The following AUTS2 variants were observed in gnomAD, a reference collection of about 807,000 sequenced individuals.
The protein encoded by AUTS2 is activator of transcription and developmental regulator AUTS2, also known as autism susceptibility gene 2 protein.
In AUTS2, 17 loss-of-function variants were observed where a neutral mutation model predicts 112.4. The observed-to-expected ratio is 0.15, with a 90% confidence interval of 0.10 to 0.23. The LOEUF is 0.23. Among genes scored for constraint, AUTS2 ranks in the 10% least tolerant of loss-of-function variants. The probability of loss-of-function intolerance (pLI) is 1.00; values close to 1 mark genes in which losing one functional copy is unlikely to be tolerated. For synonymous variants in AUTS2, 751 were observed against 702.7 expected (o/e 1.07, Z -1.09); for missense variants, 1,510 against 1,701.6 (o/e 0.89, Z 1.98).
intron 5 of AUTS2, among the ~76,000 whole-genome samples, chr7:70,465,137 C>T (rs1386807860): frequency 6.6e-6 from 1 of 152,186 alleles, no homozygotes; most frequent in Non-Finnish European, 1.5e-5. Flanking sequence ...TCAGTTTGGT[C>T]CTGGAACTTT....
At chr7:70,399,758 AAAT>A (rs200961750) in intron 4 of AUTS2, among the ~76,000 whole-genome samples, 3,889 of 132,976 alleles carry the variant, frequency 0.029, 66 homozygotes, top group Middle Eastern at 0.089. Context: ...TAAAAAAATA[AAAT>A]AAAATAAAAT....
intron 4 of AUTS2, among the ~76,000 whole-genome samples, chr7:70,152,684 G>A (rs778840835): frequency 1.7e-4 from 26 of 152,048 alleles, no homozygotes; most frequent in Non-Finnish European, 3.5e-4. Context: ...GTTGAAAAAC[G>A]AGCAAAAGAT....
intron 1 of AUTS2, among the ~76,000 whole-genome samples, chr7:69,845,214 G>A (rs974514194): frequency 2.0e-5 from 3 of 152,166 alleles, no homozygotes; most frequent in African/African-American, 4.8e-5. Context: ...AGGAGCAAAA[G>A]AATCTTCCTG....
intron 2 of AUTS2, among the ~76,000 whole-genome samples, chr7:69,955,660 T>C (rs530596951): frequency 6.6e-6 from 1 of 152,226 alleles, no homozygotes; most frequent in African/African-American, 2.4e-5. Context: ...ACCCTCCCCT[T>C]AACAACTTTC....
chr7:70,708,657 A>T (rs1390161721), intron 6 of AUTS2, among the ~76,000 whole-genome samples: 1 of 152,000 alleles, frequency 6.6e-6, no homozygotes, highest in Non-Finnish European at 1.5e-5. Context: ...CCGAAGGGTC[A>T]GCAGACCAAA....
At chr7:69,804,956 C>T (rs1790236332) in intron 1 of AUTS2, among the ~76,000 whole-genome samples, 1 of 152,206 alleles carries the variant, frequency 6.6e-6, no homozygotes, top group African/African-American at 2.4e-5. Flanking sequence ...AGAATCACTA[C>T]ACAGACAGAC....
intron 4 of AUTS2, among the ~76,000 whole-genome samples, chr7:70,341,227 C>G (rs925697804): frequency 4.6e-5 from 7 of 152,172 alleles, no homozygotes; most frequent in African/African-American, 1.7e-4. Context: ...ATGAACTCTT[C>G]TTACCGGAGT....
intron 5 of AUTS2, among the ~76,000 whole-genome samples, chr7:70,556,517 G>A (rs563335842): frequency 4.6e-5 from 7 of 152,256 alleles, no homozygotes; most frequent in African/African-American, 1.7e-4. Flanking sequence ...TCAAGTCTTC[G>A]AGGCTTTAGT....
intron 5 of AUTS2, among the ~76,000 whole-genome samples, chr7:70,608,140 G>C (rs1017994590): frequency 1.1e-4 from 16 of 152,078 alleles, no homozygotes; most frequent in Non-Finnish European, 1.3e-4. Context: ...GTCTCATTCT[G>C]TTGCCCAGGA....
At chr7:70,237,175 C>A (rs762272824) in intron 4 of AUTS2, among the ~76,000 whole-genome samples, 6 of 152,096 alleles carry the variant, frequency 3.9e-5, no homozygotes, top group Non-Finnish European at 8.8e-5. Context: ...TACAGTGTCT[C>A]CATGTAATAG....
chr7:70,102,770 T>C (rs1804567733), intron 2 of AUTS2, among the ~76,000 whole-genome samples: 1 of 152,184 alleles, frequency 6.6e-6, no homozygotes, highest in Admixed American at 6.5e-5. Context: ...ATTAATTTAA[T>C]CCAAATTTCT....
At chr7:70,706,911 G>A (rs1809771204) in intron 6 of AUTS2, among the ~76,000 whole-genome samples, 1 of 152,178 alleles carries the variant, frequency 6.6e-6, no homozygotes, top group Non-Finnish European at 1.5e-5. Context: ...CCTTGAACAT[G>A]GGCTTTGGAT....
chr7:70,682,092 G>A (rs1205486105), intron 5 of AUTS2, among the ~76,000 whole-genome samples: 1 of 152,208 alleles, frequency 6.6e-6, no homozygotes, highest in East Asian at 1.9e-4. Context: ...TGAGTGTGTG[G>A]AGGAGAGTGA....
At chr7:69,694,838 T>G (rs1158408030) in intron 1 of AUTS2, among the ~76,000 whole-genome samples, 1 of 152,186 alleles carries the variant, frequency 6.6e-6, no homozygotes, top group Non-Finnish European at 1.5e-5. Flanking sequence ...CAGTGAGAGA[T>G]AAAATTACTT....
chr7:70,688,631 C>T (rs1459421483), intron 5 of AUTS2, among the ~76,000 whole-genome samples: 1 of 152,092 alleles, frequency 6.6e-6, no homozygotes, highest in South Asian at 2.1e-4. Context: ...AGTCAGAGAT[C>T]AGCATGAGCA....
At chr7:70,260,394 T>C (rs1787104420) in intron 4 of AUTS2, among the ~76,000 whole-genome samples, 1 of 151,610 alleles carries the variant, frequency 6.6e-6, no homozygotes, top group South Asian at 2.1e-4. Context: ...CTAGATAGTT[T>C]ATAAAGAATG....
chr7:69,950,831 A>G (rs1411934844), intron 2 of AUTS2, among the ~76,000 whole-genome samples: 2 of 152,096 alleles, frequency 1.3e-5, no homozygotes, highest in African/African-American at 4.8e-5. Flanking sequence ...TACAGATCCC[A>G]TCTTAGAAAG....
chr7:69,945,426 C>T (rs1796771425), intron 2 of AUTS2, among the ~76,000 whole-genome samples: 1 of 152,082 alleles, frequency 6.6e-6, no homozygotes, highest in African/African-American at 2.4e-5. Context: ...TAGCATGTAT[C>T]AGTACTTCAT....
intron 2 of AUTS2, among the ~76,000 whole-genome samples, chr7:69,922,071 A>T (rs201768194): frequency 1.6e-5 from 2 of 127,916 alleles, no homozygotes; most frequent in African/African-American, 2.7e-5. Flanking sequence ...TCTCAAAAAA[A>T]GAAAAAAGAA....
Sources: allele counts gnomAD v4.1 joint callset (sites outside exome capture counted in the v4.1 genomes callset), GRCh38; gene constraint gnomAD v4.1.1; transcripts MANE v1.5; gene names NCBI Gene and HGNC (gene_info 2026-07-23, HGNC 2026-07-21).